The following MCIDAS variants were observed in gnomAD, a reference collection of about 807,000 sequenced individuals.
MCIDAS encodes the protein multiciliate differentiation and DNA synthesis associated cell cycle protein, also known as multicilin.
In MCIDAS, 23 loss-of-function variants were observed where a neutral mutation model predicts 35.4. The ratio of observed to expected loss-of-function variants is 0.65; its 90% CI spans 0.47 to 0.92. MCIDAS has a LOEUF of 0.92. Among genes scored for constraint, MCIDAS ranks in the 40% least tolerant of loss-of-function variants. The probability of loss-of-function intolerance (pLI) is 0.00; values close to 1 mark genes in which losing one functional copy is unlikely to be tolerated. For missense variants in MCIDAS, 480 were observed against 531.8 expected (o/e 0.90, Z 0.96); for synonymous variants, 228 against 235.2 (o/e 0.97, Z 0.28).
chr5:55,220,651 G>A lies in MCIDAS; in HGVS notation c.873C>T (p.Cys291=). 6.5e-7 allele frequency: 1 copy of A among 1,536,108 alleles called. No individual in the cohort carries two copies. Among genetic ancestry groups the A allele is most frequent in the Non-Finnish European group, 8.7e-7 (1 of 1,146,890 alleles). The part of the protein sequence containing the change: ...DAILREISER[C]DEALQSRDPK... ...GATCGCGGCTCTGAAGGGCTTCATC[G>A]CAGCGCTCGGAAATCTCCCTCAGGA... The change falls in exon 7 of 7, where the codon TGC becomes TGT. Residue 291 remains cysteine (C), a synonymous_variant. Transcript: ENST00000513312.
At chr5:55,226,793 C>A (rs113978448) in intron 2 of MCIDAS, 42 bp downstream of exon 2, 38 of 1,387,698 alleles carry the variant, frequency 2.7e-5, no homozygotes, top group Middle Eastern at 4.5e-4. Context: ...ACCCTCCCGG[C>A]GCGGGGAACC....
chr5:55,221,365 G>T (rs1193719711), intron 5 of MCIDAS, among the ~76,000 whole-genome samples: 1 of 152,094 alleles, frequency 6.6e-6, no homozygotes, highest in Non-Finnish European at 1.5e-5. Flanking sequence ...TGGGCAACAG[G>T]CAGATCTAGG....
In MCIDAS at chr5:55,220,735, T is replaced by C; in HGVS notation, c.789A>G (p.Lys263=). ...AEPFLLKAKA[K]RSLEELVSAA... ...CGCTGACCAACTCCTCCAGGCTCCT[T>C]TTGGCCTTCGCCTTGAGCAGGAAGG... The change falls in exon 7 of 7, where the codon AAA becomes AAG. Residue 263 remains lysine, a synonymous_variant. Coordinates refer to ENST00000513312, the MANE Select transcript of MCIDAS (RefSeq NM_001190787.3). The C allele has an allele frequency of 6.5e-7, 1 of 1,535,802 alleles. No individual in the cohort carries two copies. Among genetic ancestry groups the C allele is most frequent in the Non-Finnish European group, 8.7e-7 (1 of 1,146,628 alleles).
In MCIDAS at chr5:55,222,309, G is replaced by C. The variant is rs953565301; in HGVS notation, c.473C>G (p.Pro158Arg). ...DISPFGPCLS[P>R]PLDPRALQSP... ...CTGCAGGGCCCGTGGGTCCAGTGGC[G>C]GGGAGAGGCAGGGCCCGAATGGTGA... Residue 158 changes from proline (P) to arginine (R), a missense_variant, in exon 5 of 7, where the codon CCG becomes CGG. Physicochemically the swap from Pro to Arg is moderately radical, Grantham distance 103 (BLOSUM62 -2). Transcript: ENST00000513312. 12 of 1,535,660 alleles carry C rather than the reference G, an allele frequency of 7.8e-6. No individual in the cohort carries two copies. Among genetic ancestry groups the C allele is most frequent in the African/African-American group, 1.4e-5 (1 of 73,146 alleles).
Position 55,220,783 on chromosome 5 carries a change from C to G in MCIDAS, c.741G>C (p.Arg247=). The change falls in exon 7 of 7, where the codon CGG becomes CGC. Residue 247 remains arginine, a synonymous_variant. Coordinates refer to ENST00000513312, the MANE Select transcript of MCIDAS (RefSeq NM_001190787.3). ...AGGGCTCGGCCGCCGCCCCACAATCCCGGGACTGTGTGATCATCAGCTTCT... is the reference window on the plus strand; with the variant it reads ...AGGGCTCGGCCGCCGCCCCACAATCGCGGGACTGTGTGATCATCAGCTTCT... The part of the protein sequence containing the change: ...VLDKLMITQS[R]DCGAAAEPFL... 1 of 1,531,018 alleles carries G rather than the reference C, an allele frequency of 6.5e-7. No individual in the cohort carries two copies. The highest frequency in any genetic ancestry group is 8.7e-7 in the Non-Finnish European group (1 of 1,142,906). 94.8% of individuals were successfully genotyped at this position (1,531,018 alleles called of 1,614,324 possible). A position where few individuals can be genotyped will look rare whatever the true frequency, so the allele number is the denominator to read the frequency against.
intron 6 of MCIDAS, 67 bp downstream of exon 6, chr5:55,220,949 G>A: frequency 6.8e-7 from 1 of 1,463,940 alleles, no homozygotes; most frequent in South Asian, 1.3e-5. Context: ...CCCGATGCTG[G>A]GCGGGGATGC....
At chr5:55,226,550 C>G (rs541964095) in intron 3 of MCIDAS, 26 bp downstream of exon 3, 4 of 1,525,702 alleles carry the variant, frequency 2.6e-6, no homozygotes, top group East Asian at 2.5e-5. Flanking sequence ...CGTGAAACCA[C>G]GAGGCTCCAC....
At chr5:55,222,499 T>C (rs1745380002) in intron 4 of MCIDAS, 100 bp from the exon 5 acceptor site, 2 of 1,024,898 alleles carry the variant, frequency 2.0e-6, no homozygotes, top group South Asian at 1.8e-5. Context: ...GTAGAGATTT[T>C]TCTTTATTAA....
In MCIDAS at chr5:55,226,569, G is replaced by GAGGT; in HGVS notation, c.309+3_309+6dup. ...AAACCACGAGGCTCCACGAGAAGGG[G>GAGGT]AGGTACCTGCGAGGCGGCCAGGTCA... On this transcript the variant is annotated splice_region_variant and intron_variant, in intron 3 of 6. Coordinates refer to ENST00000513312, the MANE Select transcript of MCIDAS (RefSeq NM_001190787.3). 1.3e-6 allele frequency: 2 copies of GAGGT among 1,530,632 alleles called. No homozygotes were observed. The highest frequency in any genetic ancestry group is 2.7e-5 in the African/African-American group (2 of 72,784). 94.8% of individuals were successfully genotyped at this position (1,530,632 alleles called of 1,614,324 possible). A position where few individuals can be genotyped will look rare whatever the true frequency, so the allele number is the denominator to read the frequency against.
chr5:55,225,447 AC>A (rs2111699947), intron 3 of MCIDAS, among the ~76,000 whole-genome samples: 1 of 152,106 alleles, frequency 6.6e-6, no homozygotes, highest in Admixed American at 6.5e-5. Flanking sequence ...GTTGGAAGAT[AC>A]TCAGGCATTA....
chr5:55,220,851 C>T (rs749747378), intron 6 of MCIDAS, 45 bp from the exon 7 acceptor site: 26 of 1,500,476 alleles, frequency 1.7e-5, no homozygotes, highest in African/African-American at 2.8e-5. Flanking sequence ...CTGCCGGACC[C>T]TCCGGGTTCG....
intron 3 of MCIDAS, 63 bp downstream of exon 3, chr5:55,226,513 C>T (rs1745456067): frequency 9.5e-6 from 14 of 1,470,800 alleles, no homozygotes; most frequent in Middle Eastern, 3.5e-4. Flanking sequence ...GAATTAAAAC[C>T]ACCACCCCGG....
Position 55,227,125 on chromosome 5 carries a change from C to A in MCIDAS, c.14G>T (p.Gly5Val). ...GGCCCGACGGCCGGCCGCGCCGCCC[C>A]CGCACGCCTGCATTGTGCCTCCTGC... MQAC[G>V]GGAAGRRAFD... The change falls in exon 1 of 7, where the codon GGG (glycine) becomes GTG (valine). Residue 5 changes from glycine to valine, a missense_variant. Coordinates refer to ENST00000513312, the MANE Select transcript of MCIDAS (RefSeq NM_001190787.3). The A allele has an allele frequency of 6.8e-7, 1 of 1,475,008 alleles. No individual in the cohort carries two copies. Among genetic ancestry groups the A allele is most frequent in the Admixed American group, 2.3e-5 (1 of 43,584 alleles). The allele number at this position is 1,475,008 out of a possible 1,614,324, so 91.4% of individuals were successfully genotyped here. A position where few individuals can be genotyped will look rare whatever the true frequency, so the allele number is the denominator to read the frequency against.
chr5:55,224,984 G>C (rs1268082403), intron 3 of MCIDAS, among the ~76,000 whole-genome samples: 1 of 152,216 alleles, frequency 6.6e-6, no homozygotes, highest in Non-Finnish European at 1.5e-5. Context: ...CAGATCGCTA[G>C]AGCACAGGAG....
intron 3 of MCIDAS, among the ~76,000 whole-genome samples, chr5:55,226,291 CAA>C (rs1292665057): frequency 6.6e-6 from 1 of 152,118 alleles, no homozygotes; most frequent in African/African-American, 2.4e-5. Flanking sequence ...GTCACAGCTC[CAA>C]AGAGTAGATA....
rs758634560 is a variant in MCIDAS at position 55,226,648 on chromosome 5, C to T, written c.237G>A (p.Leu79=). 10 of 1,531,742 alleles carry T rather than the reference C, an allele frequency of 6.5e-6. No individual in the cohort carries two copies. In the South Asian group the frequency reaches 8.4e-5, roughly 13 times the overall value. 94.9% of individuals were successfully genotyped at this position (1,531,742 alleles called of 1,614,324 possible). A position where few individuals can be genotyped will look rare whatever the true frequency, so the allele number is the denominator to read the frequency against. The change falls in exon 3 of 7, where the codon CTG becomes CTA. Residue 79 remains leucine, a synonymous_variant. Transcript: ENST00000513312. ...TALPALTTID[L]QDLADCSSLL... ...GCGAAGAGCAGTCAGCGAGGTCCTG[C>T]AGGTCTATGGTGGTGAGGGCTGCGC... is the stretch of plus-strand genomic sequence containing the variant.
At position 55,220,355 on chromosome 5, in the gene MCIDAS, C is replaced by T. The variant is rs1321332417; in HGVS notation, c.*11G>A. 4.6e-6 allele frequency: 7 copies of T among 1,526,528 alleles called. No individual in the cohort carries two copies. The highest frequency in any genetic ancestry group is 1.4e-5 in the African/African-American group (1 of 72,906). The allele number at this position is 1,526,528 out of a possible 1,614,324, so 94.6% of individuals were successfully genotyped here. A position where few individuals can be genotyped will look rare whatever the true frequency, so the allele number is the denominator to read the frequency against. On this transcript the variant is annotated 3_prime_UTR_variant, in exon 7 of 7. Coordinates refer to ENST00000513312, the MANE Select transcript of MCIDAS (RefSeq NM_001190787.3). Reference sequence around the variant, plus strand: ...AACACAGGGCAGTGTTTTGGGGGACCACATCACAGCTCAACTGGGGACCCA... The same window carrying T: ...AACACAGGGCAGTGTTTTGGGGGACTACATCACAGCTCAACTGGGGACCCA...
chr5:55,224,414 G>A (rs1163371480), intron 3 of MCIDAS, among the ~76,000 whole-genome samples: 3 of 152,144 alleles, frequency 2.0e-5, no homozygotes, highest in East Asian at 3.9e-4. Flanking sequence ...GAATGTACAA[G>A]TATCAGTTTT....
chr5:55,222,526 C>T (rs79191922), intron 4 of MCIDAS, 127 bp from the exon 5 acceptor site: 11,136 of 745,656 alleles, frequency 0.015, 132 homozygotes, highest in Non-Finnish European at 0.017. Context: ...CACCCTTACT[C>T]CTAAACGCCT....
Sources: gnomAD v4.1 joint callset for allele counts (sites outside exome capture counted in the v4.1 genomes callset) on GRCh38, gnomAD v4.1.1 for gene constraint, MANE v1.5 for transcripts, NCBI Gene and HGNC (gene_info 2026-07-23, HGNC 2026-07-21) for gene names.